Variants in QSOX2 observed in about 807,000 individuals in gnomAD.
QSOX2 encodes the protein quiescin sulfhydryl oxidase 2, also known as sulfhydryl oxidase 2.
QSOX2 carries 46 observed loss-of-function variants against 61.7 expected under a neutral mutation model. The ratio of observed to expected loss-of-function variants is 0.75; its 90% CI spans 0.59 to 0.95. QSOX2 has a LOEUF of 0.95. QSOX2 is among the 40% of genes least tolerant of loss of function. QSOX2 has a pLI of 0.00. For synonymous variants in QSOX2, 383 were observed against 388.4 expected (o/e 0.99, Z 0.16); for missense variants, 879 against 918.9 (o/e 0.96, Z 0.56).
intron 10 of QSOX2, among the ~76,000 whole-genome samples, chr9:136,211,852 G>C (rs1439563273): frequency 6.6e-6 from 1 of 152,228 alleles, no homozygotes; most frequent in Non-Finnish European, 1.5e-5. Flanking sequence ...TTGCCAGCTG[G>C]GTGCAGTCTC....
intron 11 of QSOX2, chr9:136,210,779 T>C: frequency 1.0e-6 from 1 of 985,330 alleles, no homozygotes; most frequent in South Asian, 4.7e-5. Flanking sequence ...GCCACTGATT[T>C]AGGAACAGTT....
chr9:136,235,025 C>T (rs186586434), intron 1 of QSOX2, among the ~76,000 whole-genome samples: 3 of 152,320 alleles, frequency 2.0e-5, no homozygotes, highest in African/African-American at 7.2e-5. Flanking sequence ...CTGGTTCCCC[C>T]GCCCATGGCC....
At chr9:136,225,250 G>A (rs764101594) in intron 2 of QSOX2, among the ~76,000 whole-genome samples, 4 of 152,220 alleles carry the variant, frequency 2.6e-5, no homozygotes, top group Non-Finnish European at 5.9e-5. Context: ...ATGGTTAGCT[G>A]TAGCGTTAGC....
chr9:136,241,931 C>T (rs764468937), intron 1 of QSOX2, among the ~76,000 whole-genome samples: 2 of 152,218 alleles, frequency 1.3e-5, no homozygotes, highest in Non-Finnish European at 2.9e-5. Context: ...TAGGGTGCAC[C>T]CTCTTGTCCA....
rs1476707414 is a variant in QSOX2 at position 136,208,578 on chromosome 9, C to A, written c.*150G>T. 2.3e-6 allele frequency: 2 copies of A among 880,654 alleles called. No homozygotes were observed. Among genetic ancestry groups the A allele is most frequent in the East Asian group, 5.5e-5 (2 of 36,564 alleles). 54.6% of individuals were successfully genotyped at this position (880,654 alleles called of 1,614,324 possible). A position where few individuals can be genotyped will look rare whatever the true frequency, so the allele number is the denominator to read the frequency against. On this transcript the variant is annotated 3_prime_UTR_variant, in exon 12 of 12. Coordinates refer to ENST00000358701, the MANE Select transcript of QSOX2 (RefSeq NM_181701.4). ...CCTTGTTAGAAGAGCGTTTGTAAAA[C>A]CAGGACTTTGAAGCCAAAAGGTGCC...
In QSOX2 at chr9:136,208,366, C is replaced by T. The variant is rs377010198; in HGVS notation, c.*362G>A. Reference sequence around the variant, plus strand: ...AAAAACAAGGCCCTGCAGGATGGGGCGGAGTGGAGGAAACGAGATGAAAGT... The same window carrying T: ...AAAAACAAGGCCCTGCAGGATGGGGTGGAGTGGAGGAAACGAGATGAAAGT... On this transcript the variant is annotated 3_prime_UTR_variant, in exon 12 of 12. Transcript: ENST00000358701. The T allele has an allele frequency of 3.6e-5, 6 of 166,042 alleles. No homozygotes were observed. In the South Asian group the frequency reaches 8.5e-4, roughly 24 times the overall value. The allele number at this position is 166,042 out of a possible 1,614,324, so 10.3% of individuals were successfully genotyped here. A position where few individuals can be genotyped will look rare whatever the true frequency, so the allele number is the denominator to read the frequency against.
At chr9:136,232,782 A>T (rs527706289) in intron 1 of QSOX2, among the ~76,000 whole-genome samples, 29 of 152,086 alleles carry the variant, frequency 1.9e-4, no homozygotes, top group African/African-American at 6.5e-4. Flanking sequence ...AAAAATTTTA[A>T]AATTAGCCAG....
intron 1 of QSOX2, among the ~76,000 whole-genome samples, chr9:136,242,609 C>T (rs1012644210): frequency 5.9e-5 from 9 of 152,280 alleles, no homozygotes; most frequent in African/African-American, 1.9e-4. Flanking sequence ...CCCTGCACTG[C>T]CACGGGCAAT....
chr9:136,221,770 T>C lies in QSOX2; in HGVS notation c.821+26A>G. The C allele has an allele frequency of 6.4e-7, 1 of 1,559,948 alleles. No individual in the cohort carries two copies. Among genetic ancestry groups the C allele is most frequent in the Non-Finnish European group, 8.7e-7 (1 of 1,149,250 alleles). On this transcript the variant is annotated intron_variant, in intron 6 of 11. Coordinates refer to ENST00000358701, the MANE Select transcript of QSOX2 (RefSeq NM_181701.4). The surrounding 1 kb of genome is among the most constrained non-coding windows in gnomAD (Gnocchi z 4.5). ...TCCGGTAACTCCGAGCGGCACGGAG[T>C]TCCCAGACCCCACCCGGGCACTCAC... is the stretch of plus-strand genomic sequence containing the variant.
Position 136,211,466 on chromosome 9 carries a change from A to G in QSOX2, c.1361-14T>C. The G allele has an allele frequency of 1.9e-6, 3 of 1,611,202 alleles. No individual in the cohort carries two copies. In the African/African-American group the frequency reaches 4.0e-5, roughly 21 times the overall value. On this transcript the variant is annotated splice_polypyrimidine_tract_variant and intron_variant, in intron 10 of 11. Transcript: ENST00000358701. ...CGTCTTCAAAGCCTGCAGGGGAAGA[A>G]ACACTGCTGACAACGGCAGGTGCGT...
rs1403427084 is a variant in QSOX2 at position 136,222,104 on chromosome 9, T to C, written c.676-163A>G. ...TCAAATCTTCACTCTCATTGCACTT[T>C]AAGGCAACTGACGGCACACACGCCA... On this transcript the variant is annotated intron_variant, in intron 5 of 11. Coordinates refer to ENST00000358701, the MANE Select transcript of QSOX2 (RefSeq NM_181701.4). This position sits in a 1 kb window ranked among gnomAD's most constrained non-coding sequence, Gnocchi z 6.9. Among the ~76,000 whole-genome samples, 1 of 151,958 alleles carries C rather than the reference T, an allele frequency of 6.6e-6. No homozygotes were observed. Among genetic ancestry groups the C allele is most frequent in the Non-Finnish European group, 1.5e-5 (1 of 68,006 alleles).
chr9:136,207,676 C>G lies in QSOX2; in HGVS notation c.*1052G>C, dbSNP rs995111295. On this transcript the variant is annotated 3_prime_UTR_variant, in exon 12 of 12. Transcript: ENST00000358701. The stretch of plus-strand genomic sequence containing the variant: ...GCTTCAGGCAAAGGAAGCCTGGCCC[C>G]CTCCGTGGGCCGAGTGAGATGCTTG... The G allele has an allele frequency of 6.6e-6, 1 of 152,392 alleles. No homozygotes were observed. The highest frequency in any genetic ancestry group is 2.4e-5 in the African/African-American group (1 of 41,462). 9.4% of individuals were successfully genotyped at this position (152,392 alleles called of 1,614,324 possible). A position where few individuals can be genotyped will look rare whatever the true frequency, so the allele number is the denominator to read the frequency against.
chr9:136,226,725 G>C, intron 2 of QSOX2, 49 bp downstream of exon 2: 1 of 1,447,254 alleles, frequency 6.9e-7, no homozygotes, highest in Non-Finnish European at 9.7e-7. Context: ...CACCTGGAAG[G>C]TGGGGTAGAA....
intron 1 of QSOX2, among the ~76,000 whole-genome samples, chr9:136,242,585 G>A (rs1226180036): frequency 1.3e-5 from 2 of 152,266 alleles, no homozygotes; most frequent in Non-Finnish European, 2.9e-5. Flanking sequence ...GGGAATGCCT[G>A]CATGCAGCCA....
At chr9:136,236,766 TCACCTGGTGCCCGTCCTGGGCCGGCGA>T (rs1830386578) in intron 1 of QSOX2, among the ~76,000 whole-genome samples, 3 of 149,108 alleles carry the variant, frequency 2.0e-5, no homozygotes, top group South Asian at 4.3e-4. Context: ...TGGGCCAGCG[TCACCTGGTGCCCGTCCTGGGCCGGCGA>T]CACCTGGAGC....
Position 136,222,024 on chromosome 9 carries a change from G to C in QSOX2, c.676-83C>G. On this transcript the variant is annotated intron_variant, in intron 5 of 11. Transcript: ENST00000358701. The surrounding 1 kb of genome is among the most constrained non-coding windows in gnomAD (Gnocchi z 6.9). ...CGACGTGCAGACACATGGCCTTGCAGGGAACCTTTCACAAAAGGGCATGAA... is the reference window on the plus strand; with the variant it reads ...CGACGTGCAGACACATGGCCTTGCACGGAACCTTTCACAAAAGGGCATGAA... 5.0e-6 allele frequency: 7 copies of C among 1,389,234 alleles called. No individual in the cohort carries two copies. Among genetic ancestry groups the C allele is most frequent in the African/African-American group, 1.5e-5 (1 of 68,036 alleles). The allele number at this position is 1,389,234 out of a possible 1,614,324, so 86.1% of individuals were successfully genotyped here.
chr9:136,237,847 C>A (rs539460092), intron 1 of QSOX2, among the ~76,000 whole-genome samples: 2 of 152,266 alleles, frequency 1.3e-5, no homozygotes, highest in African/African-American at 4.8e-5. Flanking sequence ...CTCACACAAA[C>A]GCAGAGTGAA....
intron 1 of QSOX2, among the ~76,000 whole-genome samples, chr9:136,238,751 A>G (rs1334258742): frequency 6.6e-6 from 1 of 152,226 alleles, no homozygotes; most frequent in African/African-American, 2.4e-5. Context: ...GTTCTTTGGC[A>G]TTCTGTTGCT....
At position 136,245,467 on chromosome 9, in the gene QSOX2, G is replaced by T. The variant is rs782461237; in HGVS notation, c.328+9C>A. 3 of 1,583,670 alleles carry T rather than the reference G, an allele frequency of 1.9e-6. No homozygotes were observed. The highest frequency in any genetic ancestry group is 1.7e-6 in the Non-Finnish European group (2 of 1,172,984). The stretch of plus-strand genomic sequence containing the variant: ...GGTCGGGGGGTCCCCGCGCGGGGGC[G>T]CGCCTCACCTCGCACATCCCCAGCC... On this transcript the variant is annotated intron_variant, in intron 1 of 11. Transcript: ENST00000358701.
Sources: allele counts gnomAD v4.1 joint callset (sites outside exome capture counted in the v4.1 genomes callset), GRCh38; gene constraint gnomAD v4.1.1; non-coding constraint Gnocchi (gnomAD v3.1); transcripts MANE v1.5; gene names NCBI Gene and HGNC (gene_info 2026-07-23, HGNC 2026-07-21).